The following CSMD1 variants were observed in gnomAD, a reference collection of about 807,000 sequenced individuals.
The protein encoded by CSMD1 is CUB and Sushi multiple domains 1, also known as CUB and sushi domain-containing protein 1.
CSMD1 carries 213 observed loss-of-function variants against 417.5 expected under a neutral mutation model. The observed-to-expected ratio is 0.51, with a 90% CI of 0.46 to 0.57. The LOEUF is 0.57. Among genes scored for constraint, CSMD1 ranks in the 20% least tolerant of loss-of-function variants. The probability of loss-of-function intolerance (pLI) is 0.00; values close to 1 mark genes in which losing one functional copy is unlikely to be tolerated. For synonymous variants in CSMD1, 2,862 were observed against 1,736.8 expected, an observed-to-expected ratio of 1.65 and a Z score of -16.11; for missense variants, 6,923 against 4,529.7, an observed-to-expected ratio of 1.53 and a Z score of -15.17.
chr8:3,055,362 T>G (rs1328371999), intron 49 of CSMD1, among the ~76,000 whole-genome samples: 2 of 152,204 alleles, frequency 1.3e-5, no homozygotes, highest in African/African-American at 2.4e-5. Flanking sequence ...GTTTAGCCCC[T>G]TAAGCGTCTT....
intron 5 of CSMD1, among the ~76,000 whole-genome samples, chr8:3,976,474 G>C (rs1310456166): frequency 2.0e-5 from 3 of 152,152 alleles, no homozygotes; most frequent in Admixed American, 2.0e-4. Context: ...CCCGGGTCTA[G>C]AAGTGTGACT....
chr8:4,934,022 G>GT (rs1310018820), intron 1 of CSMD1, among the ~76,000 whole-genome samples: 2 of 151,850 alleles, frequency 1.3e-5, no homozygotes, highest in Admixed American at 6.6e-5. Context: ...AAAAATGAAG[G>GT]TTTTGATGAT....
At chr8:4,145,674 A>G (rs1288174543) in intron 3 of CSMD1, among the ~76,000 whole-genome samples, 1 of 150,912 alleles carries the variant, frequency 6.6e-6, no homozygotes, top group Admixed American at 6.6e-5. Flanking sequence ...CAGCCTCACA[A>G]CACCACACCT....
intron 3 of CSMD1, among the ~76,000 whole-genome samples, chr8:4,096,459 G>T (rs1026586291): frequency 3.3e-5 from 5 of 152,148 alleles, no homozygotes; most frequent in African/African-American, 1.2e-4. Context: ...CATCTAAAAT[G>T]TAAGAATCTT....
chr8:4,260,564 C>T (rs1436395240), intron 3 of CSMD1, among the ~76,000 whole-genome samples: 1 of 152,098 alleles, frequency 6.6e-6, no homozygotes, highest in Non-Finnish European at 1.5e-5. Flanking sequence ...TTATTGACTC[C>T]TGGAGAAAAG....
intron 1 of CSMD1, among the ~76,000 whole-genome samples, chr8:4,833,685 C>A (rs1216378571): frequency 6.6e-6 from 1 of 152,168 alleles, no homozygotes; most frequent in Non-Finnish European, 1.5e-5. Context: ...ACAGCAAGAG[C>A]TGGATCAATA....
intron 12 of CSMD1, among the ~76,000 whole-genome samples, chr8:3,457,289 C>T (rs1403154091): frequency 1.3e-5 from 2 of 152,140 alleles, no homozygotes; most frequent in African/African-American, 2.4e-5. Flanking sequence ...ATCTTCACCC[C>T]TCATCCTACA....
At chr8:3,940,773 TTC>T (rs1810825926) in intron 5 of CSMD1, among the ~76,000 whole-genome samples, 2 of 151,970 alleles carry the variant, frequency 1.3e-5, no homozygotes, top group African/African-American at 4.8e-5. Flanking sequence ...GTATACACAG[TTC>T]TCTTTTTATT....
At chr8:4,284,776 C>G (rs538866858) in intron 3 of CSMD1, among the ~76,000 whole-genome samples, 1 of 152,214 alleles carries the variant, frequency 6.6e-6, no homozygotes, top group South Asian at 2.1e-4. Flanking sequence ...TTGCCTGGCT[C>G]TTTCCAAAAA....
chr8:3,490,695 G>T (rs527515705), intron 11 of CSMD1, among the ~76,000 whole-genome samples: 1 of 152,066 alleles, frequency 6.6e-6, no homozygotes, highest in Non-Finnish European at 1.5e-5. Flanking sequence ...CAAATAGCTG[G>T]AGCCAGAAAC....
chr8:2,980,989 C>G (rs1805360034), intron 54 of CSMD1, among the ~76,000 whole-genome samples: 1 of 152,226 alleles, frequency 6.6e-6, no homozygotes, highest in South Asian at 2.1e-4. Flanking sequence ...TACAAATACT[C>G]TAAATCTTCT....
intron 1 of CSMD1, among the ~76,000 whole-genome samples, chr8:4,642,554 C>T (rs1803263839): frequency 6.6e-6 from 1 of 152,114 alleles, no homozygotes; most frequent in African/African-American, 2.4e-5. Flanking sequence ...AAACAAACGC[C>T]TTCCTAGATT....
chr8:4,399,326 A>G (rs1167265029), intron 3 of CSMD1, among the ~76,000 whole-genome samples: 2 of 152,232 alleles, frequency 1.3e-5, no homozygotes, highest in African/African-American at 4.8e-5. Context: ...AAAACAATTT[A>G]AACAATACAC....
At chr8:4,417,647 C>G (rs189759708) in intron 3 of CSMD1, among the ~76,000 whole-genome samples, 17 of 151,824 alleles carry the variant, frequency 1.1e-4, no homozygotes, top group African/African-American at 4.1e-4. Context: ...CTTGGTGGGT[C>G]AAATAACAGG....
chr8:3,895,525 G>C (rs1807301542), intron 5 of CSMD1, among the ~76,000 whole-genome samples: 1 of 151,980 alleles, frequency 6.6e-6, no homozygotes, highest in African/African-American at 2.4e-5. Flanking sequence ...TATCCTTAGG[G>C]AATAAATATG....
chr8:4,041,717 G>C (rs767847198), intron 3 of CSMD1, among the ~76,000 whole-genome samples: 1 of 152,134 alleles, frequency 6.6e-6, no homozygotes, highest in Non-Finnish European at 1.5e-5. Flanking sequence ...CATTAAAACT[G>C]TTATTAGAAC....
intron 3 of CSMD1, among the ~76,000 whole-genome samples, chr8:4,329,855 CACACACACACACACACACAG>C (rs1272298596): frequency 8.8e-6 from 1 of 113,252 alleles, no homozygotes; most frequent in Non-Finnish European, 1.6e-5. Flanking sequence ...TGCTTACACA[CACACACACACACACACACAG>C]ACACACACAC....
intron 10 of CSMD1, among the ~76,000 whole-genome samples, chr8:3,542,086 G>A (rs764923787): frequency 1.3e-5 from 2 of 152,032 alleles, no homozygotes; most frequent in Non-Finnish European, 2.9e-5. Context: ...ATTTTACTGT[G>A]CTCTATAGTC....
chr8:4,060,676 G>T (rs1243954105), intron 3 of CSMD1, among the ~76,000 whole-genome samples: 1 of 152,114 alleles, frequency 6.6e-6, no homozygotes, highest in Non-Finnish European at 1.5e-5. Context: ...CATGAACATA[G>T]ATAAGGCCTG....
Sources: gnomAD v4.1 joint callset for allele counts (sites outside exome capture counted in the v4.1 genomes callset) on GRCh38, gnomAD v4.1.1 for gene constraint, MANE v1.5 for transcripts, NCBI Gene and HGNC (gene_info 2026-07-23, HGNC 2026-07-21) for gene names.